Variants in PLD5 observed in about 807,000 individuals in gnomAD.
PLD5 encodes the protein phospholipase D family member 5, also known as inactive phospholipase D5.
Under a neutral mutation model 61.1 loss-of-function variants are expected in PLD5, and 36 were observed. That is an observed-to-expected ratio of 0.59 (90% CI 0.45 to 0.78). The LOEUF (loss-of-function observed/expected upper bound fraction) is 0.78. Ranked by LOEUF, PLD5 falls within the 30% of genes least tolerant of loss-of-function variation. The pLI is 0.00. For synonymous variants in PLD5, 243 were observed against 242.8 expected (o/e 1.00, Z -0.01); for missense variants, 515 against 644.4 (o/e 0.80, Z 2.17).
At chr1:242,158,360 A>G (rs1665557602) in intron 5 of PLD5, among the ~76,000 whole-genome samples, 1 of 152,006 alleles carries the variant, frequency 6.6e-6, no homozygotes, top group Non-Finnish European at 1.5e-5. Context: ...TGGGGTATAG[A>G]AAAAAAGTCT....
intron 5 of PLD5, among the ~76,000 whole-genome samples, chr1:242,151,586 A>T (rs1359681813): frequency 1.3e-5 from 2 of 151,588 alleles, no homozygotes; most frequent in Non-Finnish European, 2.9e-5. Flanking sequence ...TTGTCTTTGG[A>T]TCTTTGGTTT....
intron 1 of PLD5, among the ~76,000 whole-genome samples, chr1:242,419,426 C>G (rs1353746120): frequency 2.8e-5 from 4 of 145,224 alleles, no homozygotes; most frequent in Non-Finnish European, 4.5e-5. Flanking sequence ...GACAGAGTCT[C>G]GCACTGTTGC....
chr1:242,347,657 G>A (rs1660214199), intron 2 of PLD5, among the ~76,000 whole-genome samples: 1 of 152,234 alleles, frequency 6.6e-6, no homozygotes, highest in Non-Finnish European at 1.5e-5. Context: ...AGGTCGAGGA[G>A]CCCTGTGTCT....
At chr1:242,523,583 G>GGAC (rs1669348241) in intron 1 of PLD5, among the ~76,000 whole-genome samples, 1 of 152,138 alleles carries the variant, frequency 6.6e-6, no homozygotes, top group Middle Eastern at 3.2e-3. Flanking sequence ...TCATCCCAGC[G>GGAC]GACACTCTGC....
chr1:242,479,289 A>C (rs900373540), intron 1 of PLD5, among the ~76,000 whole-genome samples: 3 of 152,242 alleles, frequency 2.0e-5, no homozygotes, highest in African/African-American at 7.2e-5. Flanking sequence ...GAAAACTCTA[A>C]GGAATCTACT....
chr1:242,132,987 A>T (rs72761241), intron 5 of PLD5, among the ~76,000 whole-genome samples: 70,250 of 150,514 alleles, frequency 0.47, 17,112 homozygotes, highest in East Asian at 0.68. Context: ...ATCAGAGGCT[A>T]TTCCCTTTGC....
chr1:242,285,653 G>C (rs957989814), intron 3 of PLD5, among the ~76,000 whole-genome samples: 5 of 151,568 alleles, frequency 3.3e-5, no homozygotes, highest in African/African-American at 4.9e-5. Flanking sequence ...CAGAGTGCTT[G>C]CAATAGTACC....
chr1:242,183,899 TAAATAAATAAATAA>T (rs1667700518), intron 5 of PLD5, among the ~76,000 whole-genome samples: 1 of 147,494 alleles, frequency 6.8e-6, no homozygotes, highest in Admixed American at 7.3e-5. Flanking sequence ...CGTCTCAAAA[TAAATAAATAAATAA>T]AAATAAATAA....
rs112704103 is a variant in PLD5, at chr1:242,413,309, CT to C, written c.190-65068del. Among the ~76,000 whole-genome samples the C allele has an allele frequency of 2.2e-3, 326 of 145,474 alleles. 3 individuals carry two copies. Among genetic ancestry groups the C allele is most frequent in the South Asian group, 9.8e-3 (45 of 4,604 alleles). The stretch of plus-strand genomic sequence containing the variant: ...CTAACCCTTTGTCGTCATGATCTCT[CT>C]TTTTTTTTTTTCTACCCAGCAACTT... On this transcript the variant is annotated intron_variant, in intron 1 of 9. Transcript: ENST00000536534.
intron 1 of PLD5, among the ~76,000 whole-genome samples, chr1:242,364,828 G>C (rs945115887): frequency 6.6e-6 from 1 of 152,018 alleles, no homozygotes; most frequent in African/African-American, 2.4e-5. Context: ...AACTCAAGTA[G>C]ACAAGGGAAT....
chr1:242,408,601 G>A (rs1206831599), intron 1 of PLD5, among the ~76,000 whole-genome samples: 1 of 152,096 alleles, frequency 6.6e-6, no homozygotes, highest in African/African-American at 2.4e-5. Context: ...ATTCCTCCAT[G>A]ACTGTAAGCT....
At chr1:242,278,912 A>AGG (rs1290251048) in intron 3 of PLD5, among the ~76,000 whole-genome samples, 3 of 152,208 alleles carry the variant, frequency 2.0e-5, no homozygotes, top group Admixed American at 2.0e-4. Context: ...TTTGAAATAA[A>AGG]GGGGCACTCT....
chr1:242,191,881 G>A (rs1019184538), intron 5 of PLD5, among the ~76,000 whole-genome samples: 1 of 152,118 alleles, frequency 6.6e-6, no homozygotes, highest in Non-Finnish European at 1.5e-5. Flanking sequence ...TGAGGTCTTG[G>A]GTGATAGAGC....
chr1:242,267,888 T>TTAAA (rs1553339127), intron 3 of PLD5, among the ~76,000 whole-genome samples: 1 of 109,684 alleles, frequency 9.1e-6, no homozygotes, highest in African/African-American at 3.2e-5. Flanking sequence ...CTCCAAAAAT[T>TTAAA]AAAAAAAAAA....
At chr1:242,107,466 GC>G (rs1159103942) in intron 8 of PLD5, among the ~76,000 whole-genome samples, 10 of 148,694 alleles carry the variant, frequency 6.7e-5, no homozygotes, top group African/African-American at 2.3e-4. Flanking sequence ...TGAGAAGAGG[GC>G]TGGACGGAGG....
chr1:242,216,804 C>T (rs1269495582), intron 5 of PLD5, among the ~76,000 whole-genome samples: 1 of 152,174 alleles, frequency 6.6e-6, no homozygotes, highest in African/African-American at 2.4e-5. Flanking sequence ...ACTTTCATAG[C>T]TAGAAAGGAG....
At chr1:242,251,290 G>T (rs1458626279) in intron 4 of PLD5, among the ~76,000 whole-genome samples, 1 of 151,982 alleles carries the variant, frequency 6.6e-6, no homozygotes, top group Non-Finnish European at 1.5e-5. Flanking sequence ...AAGAGGAAGA[G>T]AAAGAAGAGA....
chr1:242,330,031 TA>T (rs1372595431), intron 2 of PLD5, among the ~76,000 whole-genome samples: 3 of 152,178 alleles, frequency 2.0e-5, no homozygotes, highest in Non-Finnish European at 2.9e-5. Flanking sequence ...ACAGTTTTTT[TA>T]AAATGTGGAT....
rs904529971 is a variant in PLD5 at position 242,083,522 on chromosome 1, T to C, written c.*6332A>G. ...CTATGAAATATGAATGAGAGATAGC[T>C]TTATCACTGGAGACAAATTGGCCTT... On this transcript the variant is annotated 3_prime_UTR_variant, in exon 10 of 10. Coordinates refer to ENST00000536534, the MANE Select transcript of PLD5 (RefSeq NM_001372062.1). 1.3e-5 allele frequency: 2 copies of C among 152,330 alleles called. No individual in the cohort carries two copies. Among genetic ancestry groups the C allele is most frequent in the South Asian group, 2.1e-4 (1 of 4,828 alleles). The allele number at this position is 152,330 out of a possible 1,614,324, so 9.4% of individuals were successfully genotyped here. A position where few individuals can be genotyped will look rare whatever the true frequency, so the allele number is the denominator to read the frequency against.
Sources: gnomAD v4.1 joint callset for allele counts (sites outside exome capture counted in the v4.1 genomes callset) on GRCh38, gnomAD v4.1.1 for gene constraint, MANE v1.5 for transcripts, NCBI Gene and HGNC (gene_info 2026-07-23, HGNC 2026-07-21) for gene names.